The following SLC7A9 variants were observed in gnomAD, a reference collection of about 807,000 sequenced individuals.
SLC7A9 encodes the protein solute carrier family 7 member 9, also known as B(0,+)-type amino acid transporter 1.
SLC7A9 carries 38 observed loss-of-function variants against 54.1 expected under a neutral mutation model. That is an observed-to-expected ratio of 0.70 (90% confidence interval 0.54 to 0.92). The LOEUF is 0.92. SLC7A9 is among the 40% of genes least tolerant of loss of function. The probability of loss-of-function intolerance (pLI) is 0.00; values close to 1 mark genes in which losing one functional copy is unlikely to be tolerated. For missense variants in SLC7A9, 537 were observed against 636.1 expected, an observed-to-expected ratio of 0.84 and a Z score of 1.68; for synonymous variants, 264 against 258.9, an observed-to-expected ratio of 1.02 and a Z score of -0.19.
At chr19:32,852,472 C>T (rs1424773410) in intron 9 of SLC7A9, among the ~76,000 whole-genome samples, 2 of 151,942 alleles carry the variant, frequency 1.3e-5, no homozygotes, top group African/African-American at 4.8e-5. Context: ...CCAGCCTGGG[C>T]GACAGCGAGA....
At position 32,864,717 on chromosome 19, in the gene SLC7A9, G is replaced by A. The variant is rs199877499; in HGVS notation, c.147C>T (p.Phe49=). 93 of 1,614,206 alleles carry A rather than the reference G, an allele frequency of 5.8e-5. 1 individual carries two copies. The highest frequency in any genetic ancestry group is 1.1e-5 in the South Asian group (1 of 91,084). Residue 49 remains phenylalanine, a synonymous_variant, in exon 3 of 13, where the codon TTC becomes TTT. Transcript: ENST00000023064. ...IVGTIIGSGI[F]VSPKSVLSNT... ...TGCTGAGCACAGACTTGGGGGAAAC[G>A]AAGATCCCAGAGCCAATGATGGTGC... is the stretch of plus-strand genomic sequence containing the variant.
At chr19:32,860,480 A>G (rs1301510828) in intron 7 of SLC7A9, 126 bp downstream of exon 7, 1 of 1,532,324 alleles carries the variant, frequency 6.5e-7, no homozygotes, top group South Asian at 1.3e-5. Context: ...CAAAAAAAAA[A>G]AAAAAGAAAT....
At chr19:32,867,533 A>G (rs1165198872) in intron 2 of SLC7A9, among the ~76,000 whole-genome samples, 2 of 151,814 alleles carry the variant, frequency 1.3e-5, no homozygotes, top group African/African-American at 4.8e-5. Flanking sequence ...AATTTTTTTA[A>G]AAATTTTTAA....
intron 9 of SLC7A9, among the ~76,000 whole-genome samples, chr19:32,858,236 G>A (rs181501621): frequency 6.6e-5 from 10 of 152,228 alleles, no homozygotes; most frequent in East Asian, 3.9e-4. Flanking sequence ...ATCAATTCCC[G>A]TGTGCAGGCC....
At chr19:32,843,786 C>T (rs1390394421) in intron 10 of SLC7A9, 69 bp downstream of exon 10, 38 of 1,186,862 alleles carry the variant, frequency 3.2e-5, no homozygotes, top group South Asian at 4.9e-5. Flanking sequence ...TGGAAGCCGC[C>T]GGGCTTAGCA....
At position 32,864,753 on chromosome 19, in the gene SLC7A9, G is replaced by T. The variant is rs755745241; in HGVS notation, c.111C>A (p.Ser37=). 15 of 1,614,046 alleles carry T rather than the reference G, an allele frequency of 9.3e-6. No individual in the cohort carries two copies. In the East Asian group the frequency reaches 3.1e-4, roughly 34 times the overall value. Reference sequence around the variant, plus strand: ...AGCCAATGATGGTGCCCACGATGATGGAGATGCCACTGATGAGGCCCAGCT... The same window carrying T: ...AGCCAATGATGGTGCCCACGATGATTGAGATGCCACTGATGAGGCCCAGCT... ...QKELGLISGI[S]IIVGTIIGSG... The change falls in exon 3 of 13, where the codon TCC becomes TCA. Residue 37 remains serine (S), a synonymous_variant. Transcript: ENST00000023064.
intron 3 of SLC7A9, 142 bp from the exon 4 acceptor site, chr19:32,864,480 G>T: frequency 6.6e-7 from 1 of 1,505,598 alleles, no homozygotes; most frequent in Non-Finnish European, 9.1e-7. Context: ...GAGCTCCAGC[G>T]TTGGACATTC....
chr19:32,839,983 G>A (rs1384423892), intron 11 of SLC7A9, among the ~76,000 whole-genome samples: 1 of 151,826 alleles, frequency 6.6e-6, no homozygotes, highest in Admixed American at 6.6e-5. Flanking sequence ...TATGGATTTT[G>A]GGATTCTGTT....
intron 12 of SLC7A9, 27 bp from the exon 13 acceptor site, chr19:32,830,711 A>C (rs777536757): frequency 2.5e-6 from 4 of 1,587,934 alleles, no homozygotes; most frequent in Non-Finnish European, 3.5e-6. Flanking sequence ...AAATGAGTAC[A>C]GTTAGTTAGA....
At chr19:32,847,278 G>T (rs1422973675) in intron 9 of SLC7A9, among the ~76,000 whole-genome samples, 2 of 152,060 alleles carry the variant, frequency 1.3e-5, no homozygotes, top group Non-Finnish European at 1.5e-5. Flanking sequence ...AAAGAAGTTA[G>T]AAACTTTGAA....
chr19:32,855,092 A>G (rs1256963747), intron 9 of SLC7A9, among the ~76,000 whole-genome samples: 3 of 152,244 alleles, frequency 2.0e-5, no homozygotes, highest in African/African-American at 4.8e-5. Context: ...TGTAATAGAT[A>G]CACAATGGAA....
intron 9 of SLC7A9, among the ~76,000 whole-genome samples, chr19:32,847,213 A>T (rs11666744): frequency 6.6e-6 from 1 of 152,272 alleles, no homozygotes; most frequent in South Asian, 2.1e-4. Flanking sequence ...TGAGAGAAGA[A>T]GGCTTCAGAC....
chr19:32,843,964 G>T lies in SLC7A9; in HGVS notation c.978-13C>A. The T allele has an allele frequency of 6.3e-7, 1 of 1,590,960 alleles. No homozygotes were observed. Among genetic ancestry groups the T allele is most frequent in the Non-Finnish European group, 8.6e-7 (1 of 1,159,864 alleles). Reference sequence around the variant, plus strand: ...CACGTAAATGAGTCTGGAAAATAACGACACGGGAGTCCGCTGACCAGAGTG... The same window carrying T: ...CACGTAAATGAGTCTGGAAAATAACTACACGGGAGTCCGCTGACCAGAGTG... On this transcript the variant is annotated splice_polypyrimidine_tract_variant and intron_variant, in intron 9 of 12. Coordinates refer to ENST00000023064, the MANE Select transcript of SLC7A9 (RefSeq NM_014270.5).
chr19:32,869,683 T>G lies in SLC7A9; in HGVS notation c.-112+3A>C, dbSNP rs1392054116. ...CTTTCTATCACCTACTGACCTTACT[T>G]ACCTTCCTCCGTGACCCTGCAGAGC... On this transcript the variant is annotated splice_donor_region_variant and intron_variant, in intron 1 of 12. Coordinates refer to ENST00000023064, the MANE Select transcript of SLC7A9 (RefSeq NM_014270.5). The G allele has an allele frequency of 6.6e-6, 1 of 152,262 alleles. No homozygotes were observed. Among genetic ancestry groups the G allele is most frequent in the African/African-American group, 2.4e-5 (1 of 41,428 alleles). The allele number at this position is 152,262 out of a possible 1,614,324, so 9.4% of individuals were successfully genotyped here. A position where few individuals can be genotyped will look rare whatever the true frequency, so the allele number is the denominator to read the frequency against.
intron 9 of SLC7A9, among the ~76,000 whole-genome samples, chr19:32,852,310 G>A (rs1028080975): frequency 1.3e-5 from 2 of 151,996 alleles, no homozygotes; most frequent in African/African-American, 4.8e-5. Context: ...GGGCAACATA[G>A]TAAGACCTCA....
intron 9 of SLC7A9, among the ~76,000 whole-genome samples, chr19:32,856,546 C>T (rs1271990554): frequency 6.6e-6 from 1 of 152,132 alleles, no homozygotes; most frequent in African/African-American, 2.4e-5. Flanking sequence ...GATACATATG[C>T]CATTCCACAA....
At chr19:32,838,107 CT>C (rs1232722173) in intron 11 of SLC7A9, among the ~76,000 whole-genome samples, 2 of 152,150 alleles carry the variant, frequency 1.3e-5, no homozygotes, top group South Asian at 4.1e-4. Context: ...AGCGGCCCTT[CT>C]GTTGGTACTT....
At chr19:32,834,925 G>A (rs769542708) in intron 11 of SLC7A9, among the ~76,000 whole-genome samples, 25 of 152,036 alleles carry the variant, frequency 1.6e-4, no homozygotes, top group Non-Finnish European at 3.1e-4. Flanking sequence ...CAAGTAGCTG[G>A]GATTACAGGC....
At position 32,860,572 on chromosome 19, in the gene SLC7A9, C is replaced by T. The variant is rs565790816; in HGVS notation, c.749+34G>A. ...CCAGGAGAAGAGAAATCAGGCTGCC[C>T]GGCTACTGTCCTCTGCACTGATTCA... On this transcript the variant is annotated intron_variant, in intron 7 of 12. Coordinates refer to ENST00000023064, the MANE Select transcript of SLC7A9 (RefSeq NM_014270.5). 115 of 1,614,040 alleles carry T rather than the reference C, an allele frequency of 7.1e-5. No homozygotes were observed. In the South Asian group the frequency reaches 8.9e-4, roughly 12 times the overall value.
Sources: allele counts gnomAD v4.1 joint callset (sites outside exome capture counted in the v4.1 genomes callset), GRCh38; gene constraint gnomAD v4.1.1; transcripts MANE v1.5; gene names NCBI Gene and HGNC (gene_info 2026-07-23, HGNC 2026-07-21).